The following SCRN1 variants were observed in gnomAD, a reference collection of about 807,000 sequenced individuals.
The protein encoded by SCRN1 is secernin-1.
In SCRN1, 19 loss-of-function variants were observed where a neutral mutation model predicts 43.3. The observed-to-expected ratio is 0.44, with a 90% confidence interval of 0.31 to 0.64. The LOEUF is 0.64. Among genes scored for constraint, SCRN1 ranks in the 30% least tolerant of loss-of-function variants. SCRN1 has a pLI of 0.09. For synonymous variants in SCRN1, 183 were observed against 188.9 expected, an observed-to-expected ratio of 0.97 and a Z score of 0.26; for missense variants, 447 against 524.1, an observed-to-expected ratio of 0.85 and a Z score of 1.44.
At chr7:29,989,903 A>T, upstream of SCRN1, 1 of 953,174 alleles carries the variant, frequency 1.0e-6, no homozygotes, top group Non-Finnish European at 1.3e-6. Flanking sequence ...GCCCCGCCGC[A>T]CCCCGCGCGT....
At chr7:29,936,261 T>C (rs1387985207) in intron 6 of SCRN1, among the ~76,000 whole-genome samples, 1 of 152,218 alleles carries the variant, frequency 6.6e-6, no homozygotes, top group Non-Finnish European at 1.5e-5. Context: ...GAGTAAATAT[T>C]TGGTATTAGG....
At chr7:29,961,747 C>A (rs1179967176) in intron 2 of SCRN1, among the ~76,000 whole-genome samples, 1 of 150,160 alleles carries the variant, frequency 6.7e-6, no homozygotes, top group Admixed American at 6.6e-5. Context: ...CCCCTCACCT[C>A]CCGGATGGGG....
chr7:29,985,388 C>A lies in SCRN1; in HGVS notation c.-2+4254G>T, dbSNP rs1789117712. On this transcript the variant is annotated intron_variant, in intron 1 of 7. Coordinates refer to ENST00000242059, the MANE Select transcript of SCRN1 (RefSeq NM_014766.5). ...CGCCACTACACTCCAGCCTGGGTGACAGAGTGAGACTCTGTCTCAAAAAAT... is the reference window on the plus strand; with the variant it reads ...CGCCACTACACTCCAGCCTGGGTGAAAGAGTGAGACTCTGTCTCAAAAAAT... 1.8e-5 allele frequency among the ~76,000 whole-genome samples: 2 copies of A among 111,148 alleles called. 1 individual carries two copies. Among genetic ancestry groups the A allele is most frequent in the Non-Finnish European group, 4.0e-5 (2 of 50,384 alleles). The allele number at this position is 111,148 out of a possible 152,430, so 72.9% of individuals were successfully genotyped here. A position where few individuals can be genotyped will look rare whatever the true frequency, so the allele number is the denominator to read the frequency against.
intron 2 of SCRN1, among the ~76,000 whole-genome samples, chr7:29,962,112 G>A (rs1788341993): frequency 6.7e-6 from 1 of 149,118 alleles, no homozygotes; most frequent in African/African-American, 2.5e-5. Context: ...ATCATTTTCT[G>A]AGAATATAAC....
At chr7:29,973,129 C>T (rs577632385) in intron 1 of SCRN1, among the ~76,000 whole-genome samples, 247 of 152,266 alleles carry the variant, frequency 1.6e-3, no homozygotes, top group African/African-American at 5.7e-3. Context: ...TTCCGGAAGA[C>T]TGAAGAAAAC....
At chr7:29,961,977 G>A (rs1283692154) in intron 2 of SCRN1, among the ~76,000 whole-genome samples, 1 of 152,000 alleles carries the variant, frequency 6.6e-6, no homozygotes, top group African/African-American at 2.4e-5. Flanking sequence ...GCCTGGAAAG[G>A]GGGATCAGTT....
At chr7:29,985,325 G>A (rs1562826068) in intron 1 of SCRN1, among the ~76,000 whole-genome samples, 1 of 143,908 alleles carries the variant, frequency 6.9e-6, no homozygotes, top group Non-Finnish European at 1.5e-5. Context: ...GAAATCACTT[G>A]AACCTGGGGG....
At position 29,924,021 on chromosome 7, in the gene SCRN1, T is replaced by C; in HGVS notation, c.1181A>G (p.Asp394Gly). ...EEILTSSEPL[D>G]PAEVGDLFYD... Reference sequence around the variant, plus strand: ...GAAAAGGTCCCCCACTTCCGCAGGGTCCAGTGGCTCGGAGCTGGTCAGGAT... The same window carrying C: ...GAAAAGGTCCCCCACTTCCGCAGGGCCCAGTGGCTCGGAGCTGGTCAGGAT... Residue 394 changes from aspartate (D) to glycine (G), a missense_variant, in exon 8 of 8, where the codon GAC becomes GGC. Transcript: ENST00000242059. 1 of 1,614,160 alleles carries C rather than the reference T, an allele frequency of 6.2e-7. No homozygotes were observed.
chr7:29,935,088 C>G (rs763865721), intron 6 of SCRN1, among the ~76,000 whole-genome samples: 1 of 152,242 alleles, frequency 6.6e-6, no homozygotes, highest in Admixed American at 6.5e-5. Context: ...TGTGCCACCA[C>G]TTTCCTTGTA....
intron 6 of SCRN1, among the ~76,000 whole-genome samples, chr7:29,933,234 T>C (rs1787219733): frequency 6.6e-6 from 1 of 152,140 alleles, no homozygotes; most frequent in Non-Finnish European, 1.5e-5. Context: ...CTCTCAGTGG[T>C]TTACTGGTCT....
intron 1 of SCRN1, among the ~76,000 whole-genome samples, chr7:29,976,837 T>A (rs1583696446): frequency 6.6e-6 from 1 of 152,234 alleles, no homozygotes; most frequent in Non-Finnish European, 1.5e-5. Flanking sequence ...ATCCTCTGAC[T>A]GGTGGCAGGA....
At chr7:29,964,606 C>G (rs571820895) in intron 2 of SCRN1, among the ~76,000 whole-genome samples, 1 of 152,140 alleles carries the variant, frequency 6.6e-6, no homozygotes, top group East Asian at 1.9e-4. Context: ...GGTATACCCA[C>G]AGGATATCCA....
At chr7:29,968,439 GAA>G (rs1380215217) in intron 2 of SCRN1, among the ~76,000 whole-genome samples, 4 of 152,176 alleles carry the variant, frequency 2.6e-5, no homozygotes, top group Admixed American at 2.6e-4. Flanking sequence ...GCAAAGTAGA[GAA>G]AAGTATATAT....
At chr7:29,989,957 G>C, upstream of SCRN1, 1 of 1,365,390 alleles carries the variant, frequency 7.3e-7, no homozygotes, top group South Asian at 1.6e-5. Flanking sequence ...GAGTAGGGAG[G>C]GGGCCTGGGA....
At chr7:29,975,049 T>C (rs904664934) in intron 1 of SCRN1, among the ~76,000 whole-genome samples, 1 of 152,222 alleles carries the variant, frequency 6.6e-6, no homozygotes, top group Non-Finnish European at 1.5e-5. Flanking sequence ...AAGATTTTTC[T>C]CCTTTTCCTT....
Position 29,924,174 on chromosome 7 carries a change from A to T in SCRN1, c.1087-59T>A, listed in dbSNP as rs1055128922. 15 of 1,545,298 alleles carry T rather than the reference A, an allele frequency of 9.7e-6. No individual in the cohort carries two copies. The African/African-American group carries it at 1.6e-4, about 17-fold the overall frequency. On this transcript the variant is annotated intron_variant, in intron 7 of 7. Transcript: ENST00000242059. ...AAAATAGCAGGGGACATTGCAGCGG[A>T]CACTGAAACCCTCTAGGGGGCCAGC...
intron 6 of SCRN1, among the ~76,000 whole-genome samples, chr7:29,934,125 C>G (rs1482339127): frequency 6.6e-6 from 1 of 152,208 alleles, no homozygotes; most frequent in Non-Finnish European, 1.5e-5. Context: ...AAATGCAGCT[C>G]TTTTACCATG....
chr7:29,955,068 A>C, intron 3 of SCRN1, 111 bp downstream of exon 3: 1 of 857,668 alleles, frequency 1.2e-6, no homozygotes, highest in Non-Finnish European at 1.8e-6. Context: ...AAAGGCACAC[A>C]TCATCTTTGG....
intron 1 of SCRN1, among the ~76,000 whole-genome samples, chr7:29,976,376 A>G (rs1337289284): frequency 6.6e-6 from 1 of 152,234 alleles, no homozygotes; most frequent in Non-Finnish European, 1.5e-5. Flanking sequence ...CATCTAGAAT[A>G]GTAAAACTCA....
Sources: allele counts gnomAD v4.1 joint callset (sites outside exome capture counted in the v4.1 genomes callset), GRCh38; gene constraint gnomAD v4.1.1; transcripts MANE v1.5; gene names NCBI Gene and HGNC (gene_info 2026-07-23, HGNC 2026-07-21).